NTSR1: variants seen among roughly 807,000 people sequenced by gnomAD.
The protein encoded by NTSR1 is neurotensin receptor 1, also known as neurotensin receptor type 1.
A neutral mutation model predicts 31.2 loss-of-function variants in NTSR1; 29 were observed. The ratio of observed to expected loss-of-function variants is 0.93; its 90% CI spans 0.69 to 1.27. The LOEUF (loss-of-function observed/expected upper bound fraction) is 1.27. Among genes scored for constraint, NTSR1 ranks in the 50% most tolerant of loss-of-function variants. The pLI, the probability that NTSR1 is intolerant of heterozygous loss-of-function variation, is 0.00. For missense variants in NTSR1, 697 were observed against 595.4 expected (o/e 1.17, Z -1.78); for synonymous variants, 282 against 269.9 (o/e 1.04, Z -0.44).
Position 62,725,152 on chromosome 20 carries a change from G to A in NTSR1, c.714+15231G>A, listed in dbSNP as rs183866308. Among the ~76,000 whole-genome samples the A allele has an allele frequency of 2.4e-3, 367 of 152,368 alleles. 4 individuals carry two copies. The highest frequency in any genetic ancestry group is 2.7e-3 in the Non-Finnish European group (182 of 68,038). ...ACAGGATGGGGCTCCCTGGCTCCTG[G>A]TGGAAAGCAAGCACCAGAGCCCCAG... On this transcript the variant is annotated intron_variant, in intron 1 of 3. Coordinates refer to ENST00000370501, the MANE Select transcript of NTSR1 (RefSeq NM_002531.3).
chr20:62,724,409 G>A lies in NTSR1; in HGVS notation c.714+14488G>A, dbSNP rs574297192. On this transcript the variant is annotated intron_variant, in intron 1 of 3. Coordinates refer to ENST00000370501, the MANE Select transcript of NTSR1 (RefSeq NM_002531.3). ...CTGGCGAACCTGCCACAGACTAGAA[G>A]CGGGTAATTGCAGGGCACTCAGACA... Among the ~76,000 whole-genome samples the A allele has an allele frequency of 6.8e-5, 10 of 145,994 alleles. No individual in the cohort carries two copies. In the South Asian group the frequency reaches 2.3e-3, roughly 34 times the overall value.
intron 1 of NTSR1, among the ~76,000 whole-genome samples, chr20:62,718,232 T>G (rs919314828): frequency 2.0e-5 from 3 of 152,022 alleles, no homozygotes; most frequent in African/African-American, 7.2e-5. Context: ...CCACGTGACT[T>G]ACACGTTAAA....
chr20:62,759,584 C>A lies in NTSR1; in HGVS notation c.1008-434C>A, dbSNP rs1356095230. On this transcript the variant is annotated intron_variant, in intron 3 of 3. Transcript: ENST00000370501. ...GGTCAGGAGATCGAGACCATCCTGG[C>A]TAACACGGTGAAACCCCGTCTCTAC... Among the ~76,000 whole-genome samples, 4 of 152,000 alleles carry A rather than the reference C, an allele frequency of 2.6e-5. No homozygotes were observed. The East Asian group carries it at 7.7e-4, about 29-fold the overall frequency.
intron 1 of NTSR1, among the ~76,000 whole-genome samples, chr20:62,740,712 G>T (rs192589758): frequency 3.3e-5 from 5 of 152,352 alleles, no homozygotes; most frequent in Non-Finnish European, 7.3e-5. Context: ...CGTGACCGGG[G>T]CCAGAATTCC....
chr20:62,727,068 A>T lies in NTSR1; in HGVS notation c.714+17147A>T, dbSNP rs1272697798. On this transcript the variant is annotated intron_variant, in intron 1 of 3. Coordinates refer to ENST00000370501, the MANE Select transcript of NTSR1 (RefSeq NM_002531.3). ...AAGGGTTTCTGCATCACCTGTTTTC[A>T]TTGGTTCCAAGGCTCAAGGCCCTCC... Among the ~76,000 whole-genome samples the T allele has an allele frequency of 5.9e-5, 9 of 152,128 alleles. No individual in the cohort carries two copies. The East Asian group carries it at 1.7e-3, about 29-fold the overall frequency.
At chr20:62,731,058 G>A (rs983730030) in intron 1 of NTSR1, among the ~76,000 whole-genome samples, 4 of 152,024 alleles carry the variant, frequency 2.6e-5, no homozygotes, top group African/African-American at 9.7e-5. Context: ...CATTTTTAGA[G>A]CGTTTTTGTT....
Position 62,742,389 on chromosome 20 carries a change from G to A in NTSR1, c.715-12296G>A, listed in dbSNP as rs151043710. Among the ~76,000 whole-genome samples, 44 of 149,460 alleles carry A rather than the reference G, an allele frequency of 2.9e-4. 6 individuals carry two copies. Among genetic ancestry groups the A allele is most frequent in the African/African-American group, 9.0e-4 (36 of 40,082 alleles). Reference sequence around the variant, plus strand: ...GGCCCCCATCCACCATGAGTCAGGCGTGTCCCCACTGGGCAGCAAGTCCCA... The same window carrying A: ...GGCCCCCATCCACCATGAGTCAGGCATGTCCCCACTGGGCAGCAAGTCCCA... On this transcript the variant is annotated intron_variant, in intron 1 of 3. Transcript: ENST00000370501. The surrounding 1 kb of genome is among the most constrained non-coding windows in gnomAD (Gnocchi z 7.1).
Position 62,709,301 on chromosome 20 carries a change from G to C in NTSR1, c.94G>C (p.Ala32Pro), listed in dbSNP as rs769979931. The C allele has an allele frequency of 6.3e-7, 1 of 1,599,712 alleles. No homozygotes were observed. Among genetic ancestry groups the C allele is most frequent in the South Asian group, 1.1e-5 (1 of 89,980 alleles). Residue 32 changes from alanine (A) to proline (P), a missense_variant, in exon 1 of 4, where the codon GCC (alanine) becomes CCC (proline). Physicochemically the swap from Ala to Pro is conservative, Grantham distance 27. Coordinates refer to ENST00000370501, the MANE Select transcript of NTSR1 (RefSeq NM_002531.3). ...GGCCGGACTGGAGGAGGCGCTGCTG[G>C]CCCCGGGCTTCGGCAACGCTTCGGG... ...AQAGLEEALL[A>P]PGFGNASGNA... is the part of the protein sequence containing the mutation.
intron 1 of NTSR1, among the ~76,000 whole-genome samples, chr20:62,734,648 G>A (rs1376308640): frequency 6.6e-6 from 1 of 152,214 alleles, no homozygotes; most frequent in East Asian, 1.9e-4. Context: ...TGGCAGCCCT[G>A]GGCCACACGT....
intron 2 of NTSR1, among the ~76,000 whole-genome samples, chr20:62,757,709 CGT>C (rs1989534465): frequency 6.6e-6 from 1 of 152,204 alleles, no homozygotes; most frequent in African/African-American, 2.4e-5. Context: ...CCTCAGACCA[CGT>C]GTCTCCTTCT....
rs911667902 is a variant in NTSR1 at position 62,711,916 on chromosome 20, C to T, written c.714+1995C>T. On this transcript the variant is annotated intron_variant, in intron 1 of 3. Coordinates refer to ENST00000370501, the MANE Select transcript of NTSR1 (RefSeq NM_002531.3). The surrounding 1 kb of genome is among the most constrained non-coding windows in gnomAD (Gnocchi z 6.4). ...TCGCAGAGGCCTGTGACGTATCAAC[C>T]GTAGGACAGCGGCCCCACGCCCTGC... is the stretch of plus-strand genomic sequence containing the variant. Among the ~76,000 whole-genome samples, 9 of 152,232 alleles carry T rather than the reference C, an allele frequency of 5.9e-5. No homozygotes were observed. The highest frequency in any genetic ancestry group is 2.1e-4 in the South Asian group (1 of 4,834).
At chr20:62,724,496 G>C (rs1338498967) in intron 1 of NTSR1, among the ~76,000 whole-genome samples, 1 of 152,184 alleles carries the variant, frequency 6.6e-6, no homozygotes, top group Non-Finnish European at 1.5e-5. Context: ...TTCAAAAGGA[G>C]CCCATCTAAT....
chr20:62,727,222 T>A (rs1600723317), intron 1 of NTSR1, among the ~76,000 whole-genome samples: 2 of 152,114 alleles, frequency 1.3e-5, no homozygotes, highest in African/African-American at 4.8e-5. Flanking sequence ...GCCGGGCTCC[T>A]GCAGGCTCCC....
Position 62,729,102 on chromosome 20 carries a change from AT to A in NTSR1, c.714+19182del, listed in dbSNP as rs1831728069. ...GAGCTAAACCTGAGACTGAAGCTGTATCCAGACACACTTACTCACGGCATGT... is the reference window on the plus strand; with the variant it reads ...GAGCTAAACCTGAGACTGAAGCTGTACCAGACACACTTACTCACGGCATGT... On this transcript the variant is annotated intron_variant, in intron 1 of 3. Coordinates refer to ENST00000370501, the MANE Select transcript of NTSR1 (RefSeq NM_002531.3). Among the ~76,000 whole-genome samples the A allele has an allele frequency of 4.6e-5, 7 of 152,310 alleles. 1 individual carries two copies. The highest frequency in any genetic ancestry group is 1.3e-4 in the Admixed American group (2 of 15,302).
rs201959227 is a variant in NTSR1 at position 62,760,049 on chromosome 20, A to C, written c.1039A>C (p.Met347Leu). Residue 347 changes from methionine (M) to leucine (L), a missense_variant, in exon 4 of 4, where the codon ATG (methionine) becomes CTG (leucine). Physicochemically the swap from Met to Leu is conservative, Grantham distance 15 (BLOSUM62 2). Coordinates refer to ENST00000370501, the MANE Select transcript of NTSR1 (RefSeq NM_002531.3). ...FLYDFYHYFY[M>L]VTNALFYVSS... ...CTATGACTTCTACCACTACTTCTAC[A>C]TGGTGACCAACGCACTCTTCTACGT... The C allele has an allele frequency of 6.2e-7, 1 of 1,613,868 alleles. No homozygotes were observed. Among genetic ancestry groups the C allele is most frequent in the African/African-American group, 1.3e-5 (1 of 74,874 alleles).
At chr20:62,751,124 G>A (rs947263054) in intron 1 of NTSR1, among the ~76,000 whole-genome samples, 11 of 152,106 alleles carry the variant, frequency 7.2e-5, no homozygotes, top group African/African-American at 2.2e-4. Flanking sequence ...GGATCTTCCT[G>A]CCTCAGTCTC....
chr20:62,734,470 T>C (rs539576089), intron 1 of NTSR1, among the ~76,000 whole-genome samples: 21 of 152,364 alleles, frequency 1.4e-4, no homozygotes, highest in African/African-American at 4.8e-4. Context: ...TAACTCATTC[T>C]TGACCTTGTG....
rs138207723 is a variant in NTSR1 at position 62,732,748 on chromosome 20, T to G, written c.715-21937T>G. On this transcript the variant is annotated intron_variant, in intron 1 of 3. Coordinates refer to ENST00000370501, the MANE Select transcript of NTSR1 (RefSeq NM_002531.3). The surrounding 1 kb of genome is among the most constrained non-coding windows in gnomAD (Gnocchi z 4.0). ...AGTGAGTTATAAAGTGTTCCTCTGC[T>G]TCTATTTCCTGGAAGAGACTGTAGA... 1.3e-5 allele frequency: 2 copies of G among 152,358 alleles called. No homozygotes were observed. Among genetic ancestry groups the G allele is most frequent in the African/African-American group, 4.8e-5 (2 of 41,570 alleles). The allele number at this position is 152,358 out of a possible 1,614,324, so 9.4% of individuals were successfully genotyped here.
intron 1 of NTSR1, among the ~76,000 whole-genome samples, chr20:62,731,545 T>G: frequency 6.6e-6 from 1 of 152,358 alleles, no homozygotes; most frequent in Non-Finnish European, 1.5e-5. Context: ...TCTTGTATTT[T>G]ATATTAAATA....
Sources: allele counts gnomAD v4.1 joint callset (sites outside exome capture counted in the v4.1 genomes callset), GRCh38; gene constraint gnomAD v4.1.1; non-coding constraint Gnocchi (gnomAD v3.1); transcripts MANE v1.5; gene names NCBI Gene and HGNC (gene_info 2026-07-23, HGNC 2026-07-21).